The following CPLANE1 variants were observed in gnomAD, a reference collection of about 807,000 sequenced individuals.
The protein encoded by CPLANE1 is ciliogenesis and planar polarity effector 1.
CPLANE1 carries 263 observed loss-of-function variants against 362.5 expected under a neutral mutation model. That is an observed-to-expected ratio of 0.73 (90% confidence interval 0.66 to 0.80). CPLANE1 has a LOEUF of 0.80. CPLANE1 is among the 30% of genes least tolerant of loss of function. The pLI is 0.00. For missense variants in CPLANE1, 3,461 were observed against 3,793.4 expected, an observed-to-expected ratio of 0.91 and a Z score of 2.30; for synonymous variants, 1,212 against 1,302.6, an observed-to-expected ratio of 0.93 and a Z score of 1.50.
chr5:37,106,897 C>T lies in CPLANE1; in HGVS notation c.*705G>A, dbSNP rs1757728196. On this transcript the variant is annotated 3_prime_UTR_variant, in exon 53 of 53. Transcript: ENST00000651892. ...ACTATGACATTATTGGAGCACAATA[C>T]CAAAAACTAATCAGGTCTCTGTACC... 1 of 985,238 alleles carries T rather than the reference C, an allele frequency of 1.0e-6. No homozygotes were observed. Among genetic ancestry groups the T allele is most frequent in the Non-Finnish European group, 1.2e-6 (1 of 829,796 alleles). 61.0% of individuals were successfully genotyped at this position (985,238 alleles called of 1,614,324 possible).
intron 46 of CPLANE1, among the ~76,000 whole-genome samples, chr5:37,132,578 C>G (rs925098750): frequency 7.9e-5 from 12 of 152,102 alleles, no homozygotes; most frequent in Non-Finnish European, 1.2e-4. Flanking sequence ...AATCTCCTGA[C>G]CTTGTAATCC....
chr5:37,213,602 G>T lies in CPLANE1; in HGVS notation c.2877C>A (p.Pro959=). The T allele has an allele frequency of 1.3e-6, 2 of 1,546,792 alleles. No homozygotes were observed. The highest frequency in any genetic ancestry group is 1.4e-5 in the African/African-American group (1 of 72,992). The part of the protein sequence containing the change: ...YFTNQQLCIL[P]PHHVNVLPPL... ...GGGGAAGAACATTCACATGATGAGG[G>T]GGCAAAATGCAAAGCTGCTGATTGG... Residue 959 remains proline (P), a synonymous_variant, in exon 16 of 53, where the codon CCC becomes CCA. Transcript: ENST00000651892.
intron 15 of CPLANE1, among the ~76,000 whole-genome samples, chr5:37,215,039 T>C (rs1158651122): frequency 1.3e-5 from 2 of 152,150 alleles, no homozygotes; most frequent in African/African-American, 4.8e-5. Flanking sequence ...GAAATGTATT[T>C]TCCCTTATGA....
rs1207786624 is a variant in CPLANE1, at chr5:37,227,730, T to C, written c.1209A>G (p.Ile403Met). Residue 403 changes from isoleucine (I) to methionine (M), a missense_variant, in exon 10 of 53, where the codon ATA becomes ATG. Coordinates refer to ENST00000651892, the MANE Select transcript of CPLANE1 (RefSeq NM_001384732.1). Reference sequence around the variant, plus strand: ...GGTAGGGTAACCGTGAGTGTGCTTTTATAGAAAATCTCTGTCTCATAGGGT... The same window carrying C: ...GGTAGGGTAACCGTGAGTGTGCTTTCATAGAAAATCTCTGTCTCATAGGGT... Reference protein sequence around the residue: ...DSDPMRQRFSIKAHSRLPYLV... With the variant: ...DSDPMRQRFSMKAHSRLPYLV... The C allele has an allele frequency of 6.4e-7, 1 of 1,551,390 alleles. No homozygotes were observed. Among genetic ancestry groups the C allele is most frequent in the Admixed American group, 2.0e-5 (1 of 50,970 alleles).
At chr5:37,082,452 T>C in the CPLANE1 span, among the ~76,000 whole-genome samples, 2 of 151,988 alleles carry the variant, frequency 1.3e-5, 1 homozygote, top group Non-Finnish European at 2.9e-5. Context: ...GCCAGAGTAA[T>C]TCAAAACAAT....
Position 37,169,251 on chromosome 5 carries a change from C to T in CPLANE1, c.6773G>A (p.Arg2258Lys). 6.2e-7 allele frequency: 1 copy of T among 1,614,154 alleles called. No homozygotes were observed. Residue 2258 changes from arginine to lysine, a missense_variant, in exon 34 of 53, where the codon AGA becomes AAA. Arg to Lys is a conservative substitution (Grantham distance 26). Coordinates refer to ENST00000651892, the MANE Select transcript of CPLANE1 (RefSeq NM_001384732.1). ...QVPFRPLPQP[R>K]EAWGLSDSFQ... Reference sequence around the variant, plus strand: ...GGAGTCAGATAATCCCCAAGCCTCTCTTGGTTGTGGCAAAGGCCTGAAGGG... The same window carrying T: ...GGAGTCAGATAATCCCCAAGCCTCTTTTGGTTGTGGCAAAGGCCTGAAGGG...
the CPLANE1 span, among the ~76,000 whole-genome samples, chr5:37,079,843 C>A: frequency 6.6e-6 from 1 of 152,060 alleles, no homozygotes; most frequent in Admixed American, 6.6e-5. Flanking sequence ...CAAAGCAAGA[C>A]ATAAAGCATA....
chr5:37,119,751 C>T (rs1762105120), intron 50 of CPLANE1, among the ~76,000 whole-genome samples: 1 of 151,084 alleles, frequency 6.6e-6, no homozygotes, highest in South Asian at 2.1e-4. Flanking sequence ...TTTGGGAGGC[C>T]GGGGCGGGTG....
intron 50 of CPLANE1, among the ~76,000 whole-genome samples, chr5:37,118,460 T>A (rs75097478): frequency 6.6e-6 from 1 of 150,600 alleles, no homozygotes; most frequent in Non-Finnish European, 1.5e-5. Context: ...ATCTAAAGAA[T>A]TGGGATTTAT....
chr5:37,235,274 C>T (rs1798697940), intron 8 of CPLANE1, among the ~76,000 whole-genome samples: 2 of 151,918 alleles, frequency 1.3e-5, no homozygotes, highest in Admixed American at 1.3e-4. Flanking sequence ...TATATTTAAC[C>T]AAGAAGGTAA....
chr5:37,088,449 G>C, the CPLANE1 span, among the ~76,000 whole-genome samples: 3 of 152,162 alleles, frequency 2.0e-5, no homozygotes, highest in African/African-American at 4.8e-5. Context: ...CGGAGATCCA[G>C]GTCATATGAA....
intron 20 of CPLANE1, among the ~76,000 whole-genome samples, chr5:37,197,206 G>A (rs75043377): frequency 0.021 from 3,246 of 152,048 alleles, 129 homozygotes; most frequent in African/African-American, 0.075. Flanking sequence ...TTATTTCCAC[G>A]TTTCAGGAAA....
chr5:37,096,249 C>G, the CPLANE1 span, among the ~76,000 whole-genome samples: 1 of 151,840 alleles, frequency 6.6e-6, no homozygotes, highest in Non-Finnish European at 1.5e-5. Flanking sequence ...AGAAGTAAAC[C>G]GAAATACTTA....
In CPLANE1 at chr5:37,221,307, GA is replaced by G. The variant is rs751625561; in HGVS notation, c.2746+16del. The G allele has an allele frequency of 1.5e-3, 1,997 of 1,311,444 alleles. 2 individuals carry two copies. Among genetic ancestry groups the G allele is most frequent in the South Asian group, 3.5e-3 (211 of 60,926 alleles). The allele number at this position is 1,311,444 out of a possible 1,614,324, so 81.2% of individuals were successfully genotyped here. On this transcript the variant is annotated intron_variant, in intron 15 of 52. Transcript: ENST00000651892. ...GTCTCTTTTTAAAAATACAAAGAAA[GA>G]AAAAAAAAAGCATACCTGAAAAATC...
At position 37,184,938 on chromosome 5, in the gene CPLANE1, T is replaced by C. The variant is rs771334779; in HGVS notation, c.4331A>G (p.Glu1444Gly). ...GGAATATCTGTCAACACCTGGAGCC[T>C]CATCTGGTTTCTCTTCTTCAATTGG... ...WEPIEEEKPD[E>G]APGVDRYSLG... Residue 1444 changes from glutamate (E) to glycine (G), a missense_variant, in exon 25 of 53, where the codon GAG becomes GGG. By Grantham distance (98) the Glu-to-Gly change is moderately conservative. Around this residue, in one of 2 missense-constraint regions of CPLANE1, gnomAD observed 3,380 missense variants for 3,666.1 expected, o/e 0.92. Coordinates refer to ENST00000651892, the MANE Select transcript of CPLANE1 (RefSeq NM_001384732.1). 6.2e-7 allele frequency: 1 copy of C among 1,614,146 alleles called. No homozygotes were observed. Among genetic ancestry groups the C allele is most frequent in the Non-Finnish European group, 8.5e-7 (1 of 1,179,986 alleles).
chr5:37,170,007 G>A (rs374158225), intron 33 of CPLANE1, 34 bp downstream of exon 33: 62 of 1,591,830 alleles, frequency 3.9e-5, no homozygotes, highest in Non-Finnish European at 4.7e-5. Flanking sequence ...GAGCCACCGC[G>A]CCCAGCCATT....
At chr5:37,108,047 T>A (rs2149852794) in intron 52 of CPLANE1, among the ~76,000 whole-genome samples, 1 of 152,334 alleles carries the variant, frequency 6.6e-6, no homozygotes, top group South Asian at 2.1e-4. Context: ...AGTACGATTT[T>A]ATGTTCTTAC....
chr5:37,138,577 T>A (rs1273461534), intron 46 of CPLANE1, 143 bp downstream of exon 46: 2 of 861,878 alleles, frequency 2.3e-6, no homozygotes, highest in Non-Finnish European at 3.8e-6. Context: ...GAATGACACA[T>A]ATACATAACA....
intron 16 of CPLANE1, among the ~76,000 whole-genome samples, chr5:37,207,130 A>G (rs1445124436): frequency 6.6e-6 from 1 of 152,234 alleles, no homozygotes; most frequent in Non-Finnish European, 1.5e-5. Context: ...CCCTAATTGA[A>G]GTAACTTGAT....
Sources: gnomAD v4.1 joint callset for allele counts (sites outside exome capture counted in the v4.1 genomes callset) on GRCh38, gnomAD v4.1.1 for gene constraint, gnomAD v4.1.1 regional missense constraint, MANE v1.5 for transcripts, NCBI Gene and HGNC (gene_info 2026-07-23, HGNC 2026-07-21) for gene names.